Variants in EXOC4 observed in about 807,000 individuals in gnomAD.
EXOC4 encodes the protein exocyst complex component 4.
A neutral mutation model predicts 107.2 loss-of-function variants in EXOC4; 71 were observed. The ratio of observed to expected loss-of-function variants is 0.66; its 90% confidence interval spans 0.55 to 0.81. The LOEUF (loss-of-function observed/expected upper bound fraction) is 0.81, where lower values mean the gene tolerates loss of function less well. Ranked by LOEUF, EXOC4 falls within the 30% of genes least tolerant of loss-of-function variation. The pLI is 0.00. For missense variants in EXOC4, 1,108 were observed against 1,189.6 expected, an observed-to-expected ratio of 0.93 and a Z score of 1.01; for synonymous variants, 456 against 441.2, an observed-to-expected ratio of 1.03 and a Z score of -0.42.
At chr7:133,412,278 GTTTTTTTTTTTT>G (rs35334259) in intron 7 of EXOC4, among the ~76,000 whole-genome samples, 7 of 71,478 alleles carry the variant, frequency 9.8e-5, no homozygotes, top group African/African-American at 3.7e-4. Flanking sequence ...TCAGAATTCA[GTTTTTTTTTTTT>G]TTTTTTTTTT....
intron 12 of EXOC4, among the ~76,000 whole-genome samples, chr7:133,900,084 A>G (rs981634914): frequency 1.3e-5 from 2 of 152,190 alleles, no homozygotes; most frequent in Non-Finnish European, 2.9e-5. Flanking sequence ...AGTGCTGGAC[A>G]CAATGCTTCT....
Position 133,288,992 on chromosome 7 carries a change from T to C in EXOC4, c.347T>C (p.Ile116Thr). 1 of 1,614,150 alleles carries C rather than the reference T, an allele frequency of 6.2e-7. No homozygotes were observed. The highest frequency in any genetic ancestry group is 8.5e-7 in the Non-Finnish European group (1 of 1,179,990). The change falls in exon 3 of 18, where the codon ATT (isoleucine) becomes ACT (threonine). Residue 116 changes from isoleucine to threonine, a missense_variant. Ile to Thr is a moderately conservative substitution (Grantham distance 89). Coordinates refer to ENST00000253861, the MANE Select transcript of EXOC4 (RefSeq NM_021807.4). ...CKRDELRKLWIEGIEHKHVLN... is the reference protein window; with the variant it reads ...CKRDELRKLWTEGIEHKHVLN... ...CGGGATGAGCTTCGGAAACTGTGGA[T>C]TGAAGGAATTGAGCATAAGCATGTC...
At chr7:133,317,931 T>C (rs567914725) in intron 5 of EXOC4, among the ~76,000 whole-genome samples, 1 of 152,202 alleles carries the variant, frequency 6.6e-6, no homozygotes, top group Admixed American at 6.5e-5. Context: ...GTGTTGGCAT[T>C]ACAGGCGTGA....
At chr7:133,959,446 G>C (rs1433967035) in intron 14 of EXOC4, among the ~76,000 whole-genome samples, 1 of 150,164 alleles carries the variant, frequency 6.7e-6, no homozygotes, top group Non-Finnish European at 1.5e-5. Flanking sequence ...CATGAAGGTG[G>C]AAAAAAAAGA....
chr7:133,610,286 A>G (rs1802046976), intron 9 of EXOC4, among the ~76,000 whole-genome samples: 1 of 152,180 alleles, frequency 6.6e-6, no homozygotes, highest in Admixed American at 6.5e-5. Flanking sequence ...TTAACATTCT[A>G]ATCAATGCTT....
At chr7:133,793,343 C>G (rs1796744433) in intron 10 of EXOC4, among the ~76,000 whole-genome samples, 1 of 152,090 alleles carries the variant, frequency 6.6e-6, no homozygotes, top group African/African-American at 2.4e-5. Flanking sequence ...CAGCTGTGGA[C>G]TGTGGACTAA....
intron 11 of EXOC4, among the ~76,000 whole-genome samples, chr7:133,864,038 T>C (rs1042127836): frequency 5.3e-5 from 8 of 152,190 alleles, no homozygotes; most frequent in African/African-American, 1.9e-4. Context: ...TCAGTTCTTC[T>C]TTTGTTGATT....
intron 7 of EXOC4, among the ~76,000 whole-genome samples, chr7:133,415,764 A>ATT (rs1224543420): frequency 6.6e-6 from 1 of 152,188 alleles, no homozygotes; most frequent in Admixed American, 6.6e-5. Flanking sequence ...TAGCTGTTAT[A>ATT]TTATTTTCTA....
At chr7:134,055,454 C>A (rs1158972050) in intron 17 of EXOC4, among the ~76,000 whole-genome samples, 1 of 152,236 alleles carries the variant, frequency 6.6e-6, no homozygotes, top group Non-Finnish European at 1.5e-5. Flanking sequence ...TCAACCATTA[C>A]CTTGGCCTCA....
intron 14 of EXOC4, among the ~76,000 whole-genome samples, chr7:133,974,221 C>T (rs995506031): frequency 3.9e-5 from 6 of 152,140 alleles, no homozygotes; most frequent in Non-Finnish European, 5.9e-5. Context: ...GTACAGGAAA[C>T]GGGCATCAAA....
intron 9 of EXOC4, among the ~76,000 whole-genome samples, chr7:133,498,898 C>T (rs191278182): frequency 3.4e-4 from 52 of 152,188 alleles, no homozygotes; most frequent in Admixed American, 9.8e-4. Flanking sequence ...CTTGGAGGCT[C>T]CTTGCATGCT....
intron 10 of EXOC4, among the ~76,000 whole-genome samples, chr7:133,770,118 G>A (rs1055336707): frequency 2.0e-5 from 3 of 151,838 alleles, no homozygotes; most frequent in African/African-American, 7.3e-5. Flanking sequence ...TGTCATAAAT[G>A]TTCTCATAAT....
chr7:134,047,399 C>G (rs1795681874), intron 17 of EXOC4, among the ~76,000 whole-genome samples: 1 of 151,958 alleles, frequency 6.6e-6, no homozygotes. Context: ...ATGGAAAGGG[C>G]CACGTAAAAA....
chr7:133,671,914 A>G, intron 10 of EXOC4, among the ~76,000 whole-genome samples: 1 of 152,212 alleles, frequency 6.6e-6, no homozygotes, highest in East Asian at 1.9e-4. Flanking sequence ...TAAATTTGAC[A>G]TCTCTATTAG....
chr7:133,411,290 A>G lies in EXOC4; in HGVS notation c.1182+36288A>G, dbSNP rs150072864. 1.2e-4 allele frequency among the ~76,000 whole-genome samples: 18 copies of G among 152,272 alleles called. No individual in the cohort carries two copies. The East Asian group carries it at 3.1e-3, about 26-fold the overall frequency. Reference sequence around the variant, plus strand: ...TAAACTTGATGTCTTACATCTGTAGACTCATTTTTGGATACAAAGTCTTAA... The same window carrying G: ...TAAACTTGATGTCTTACATCTGTAGGCTCATTTTTGGATACAAAGTCTTAA... On this transcript the variant is annotated intron_variant, in intron 7 of 17. Transcript: ENST00000253861.
the EXOC4 span, among the ~76,000 whole-genome samples, chr7:134,099,522 CTT>C: frequency 7.9e-4 from 82 of 103,884 alleles, no homozygotes; most frequent in Admixed American, 1.0e-3. Context: ...CATCACACTT[CTT>C]TTTTTTTTTT....
At chr7:134,010,275 A>G (rs1418807664) in intron 17 of EXOC4, 1 of 152,182 alleles carries the variant, frequency 6.6e-6, no homozygotes, top group African/African-American at 2.4e-5. Context: ...GTGGATGAAG[A>G]CCTTGGATAT....
chr7:134,025,103 A>G (rs1443942308), intron 17 of EXOC4, among the ~76,000 whole-genome samples: 1 of 152,184 alleles, frequency 6.6e-6, no homozygotes, highest in Admixed American at 6.5e-5. Context: ...TACCCTTTCA[A>G]TAATTCCTTC....
intron 9 of EXOC4, among the ~76,000 whole-genome samples, chr7:133,562,717 A>T (rs1800833306): frequency 6.6e-6 from 1 of 152,240 alleles, no homozygotes. Context: ...GTTTCTAACG[A>T]TACAACGAAT....
Sources: allele counts gnomAD v4.1 joint callset (sites outside exome capture counted in the v4.1 genomes callset), GRCh38; gene constraint gnomAD v4.1.1; transcripts MANE v1.5; gene names NCBI Gene and HGNC (gene_info 2026-07-23, HGNC 2026-07-21).